The following TMEM181 variants were observed in gnomAD, a reference collection of about 807,000 sequenced individuals.
The protein encoded by TMEM181 is transmembrane protein 181.
A neutral mutation model predicts 71.9 loss-of-function variants in TMEM181; 39 were observed. That is an observed-to-expected ratio of 0.54 (90% CI 0.42 to 0.71). The LOEUF (loss-of-function observed/expected upper bound fraction) is 0.71, where lower values mean the gene tolerates loss of function less well. Ranked by LOEUF, TMEM181 falls within the 30% of genes least tolerant of loss-of-function variation. TMEM181 has a pLI of 0.00. For missense variants in TMEM181, 595 were observed against 583.0 expected, an observed-to-expected ratio of 1.02 and a Z score of -0.21; for synonymous variants, 245 against 228.8, an observed-to-expected ratio of 1.07 and a Z score of -0.64.
intron 10 of TMEM181, among the ~76,000 whole-genome samples, chr6:158,618,973 G>T (rs577733816): frequency 1.3e-5 from 2 of 152,246 alleles, no homozygotes; most frequent in African/African-American, 4.8e-5. Flanking sequence ...GTGTCTTGGG[G>T]TTGCTCTTCT....
intron 10 of TMEM181, among the ~76,000 whole-genome samples, chr6:158,612,252 A>G (rs1236549318): frequency 6.6e-6 from 1 of 152,186 alleles, no homozygotes; most frequent in African/African-American, 2.4e-5. Flanking sequence ...AGGGAGCTGG[A>G]ACTGAAAATG....
At chr6:158,617,480 A>G (rs1308157202) in intron 10 of TMEM181, among the ~76,000 whole-genome samples, 2 of 151,852 alleles carry the variant, frequency 1.3e-5, no homozygotes, top group African/African-American at 4.8e-5. Flanking sequence ...TATCTCCTTC[A>G]GTTCTGCTCT....
chr6:158,561,813 G>C (rs1360087298), intron 1 of TMEM181, among the ~76,000 whole-genome samples: 1 of 152,138 alleles, frequency 6.6e-6, no homozygotes, highest in Non-Finnish European at 1.5e-5. Flanking sequence ...AGGGAAGACG[G>C]AGGGGGATGA....
intron 10 of TMEM181, 91 bp from the exon 11 acceptor site, chr6:158,623,455 ATAAG>A: frequency 1.2e-6 from 1 of 809,042 alleles, no homozygotes; most frequent in South Asian, 2.1e-5. Context: ...GTTTATATTA[ATAAG>A]TAAAAAAAAC....
chr6:158,633,703 C>T lies in TMEM181; in HGVS notation c.*1815C>T, dbSNP rs554086042. On this transcript the variant is annotated 3_prime_UTR_variant, in exon 17 of 17. Transcript: ENST00000684151. ...TGATAATGTACTTTTAATATGGATT[C>T]TATTCACATTTGTTTTAAAAACCTT... 9 of 152,224 alleles carry T rather than the reference C, an allele frequency of 5.9e-5. No individual in the cohort carries two copies. The highest frequency in any genetic ancestry group is 2.1e-4 in the South Asian group (1 of 4,830). 9.4% of individuals were successfully genotyped at this position (152,224 alleles called of 1,614,324 possible).
At chr6:158,561,141 G>A (rs903975137) in intron 1 of TMEM181, among the ~76,000 whole-genome samples, 2 of 152,212 alleles carry the variant, frequency 1.3e-5, no homozygotes, top group Non-Finnish European at 1.5e-5. Flanking sequence ...TGAGGCAGAA[G>A]GGTTTTGCTT....
At chr6:158,560,043 G>C, upstream of TMEM181, 1 of 985,156 alleles carries the variant, frequency 1.0e-6, no homozygotes, top group Non-Finnish European at 1.2e-6. Context: ...GCCCTCTTCC[G>C]CCGTGAGAGT....
At chr6:158,596,795 G>A (rs1784409128) in intron 6 of TMEM181, among the ~76,000 whole-genome samples, 2 of 152,128 alleles carry the variant, frequency 1.3e-5, no homozygotes, top group Non-Finnish European at 1.5e-5. Flanking sequence ...AAGCAAAAGT[G>A]GAAACCCTGA....
At chr6:158,549,186 C>T (rs1224414008) in intron 1 of TMEM181, among the ~76,000 whole-genome samples, 11 of 145,978 alleles carry the variant, frequency 7.5e-5, no homozygotes, top group African/African-American at 2.0e-4. Context: ...GGCGCGATCA[C>T]GGCTCACTGC....
intron 10 of TMEM181, chr6:158,610,283 G>GA: frequency 3.5e-6 from 1 of 285,974 alleles, no homozygotes; most frequent in Admixed American, 3.9e-5. Flanking sequence ...TAGTAACATG[G>GA]AAAATGAGGG....
rs1326837422 is a variant in TMEM181, at chr6:158,610,796, G to A, written c.896+2046G>A. On this transcript the variant is annotated intron_variant, in intron 10 of 16. Coordinates refer to ENST00000684151, the MANE Select transcript of TMEM181 (RefSeq NM_001376852.1). ...TCATTGCTGCTGCTGCTCACAGACAGGTAGCCGGCAGGCTTGGGGCTGCTG... is the reference window on the plus strand; with the variant it reads ...TCATTGCTGCTGCTGCTCACAGACAAGTAGCCGGCAGGCTTGGGGCTGCTG... 7 of 314,124 alleles carry A rather than the reference G, an allele frequency of 2.2e-5. No individual in the cohort carries two copies. The Admixed American group carries it at 2.8e-4, about 12-fold the overall frequency. The allele number at this position is 314,124 out of a possible 1,614,324, so 19.5% of individuals were successfully genotyped here. A position where few individuals can be genotyped will look rare whatever the true frequency, so the allele number is the denominator to read the frequency against.
Position 158,634,684 on chromosome 6 carries a change from T to A in TMEM181, c.*2796T>A, listed in dbSNP as rs1199583523. ...TAGAGAAGGGGATATATATACTATG[T>A]TCAAGGTTTGTAAGGTTGTTAATGT... is the stretch of plus-strand genomic sequence containing the variant. On this transcript the variant is annotated 3_prime_UTR_variant, in exon 17 of 17. Coordinates refer to ENST00000684151, the MANE Select transcript of TMEM181 (RefSeq NM_001376852.1). 1.3e-5 allele frequency: 2 copies of A among 152,336 alleles called. No homozygotes were observed. Among genetic ancestry groups the A allele is most frequent in the African/African-American group, 4.8e-5 (2 of 41,584 alleles). 9.4% of individuals were successfully genotyped at this position (152,336 alleles called of 1,614,324 possible). A position where few individuals can be genotyped will look rare whatever the true frequency, so the allele number is the denominator to read the frequency against.
At chr6:158,613,584 C>T (rs897244561) in intron 10 of TMEM181, among the ~76,000 whole-genome samples, 3 of 152,186 alleles carry the variant, frequency 2.0e-5, no homozygotes, top group African/African-American at 7.2e-5. Context: ...TGTACAGGGA[C>T]TGTGTACACA....
intron 6 of TMEM181, among the ~76,000 whole-genome samples, chr6:158,595,479 C>T (rs746652156): frequency 1.5e-4 from 23 of 152,178 alleles, no homozygotes; most frequent in Non-Finnish European, 3.2e-4. Flanking sequence ...GACCAAAAGA[C>T]TTGTATTTAG....
chr6:158,540,419 G>A (rs1781298777), intron 1 of TMEM181, among the ~76,000 whole-genome samples: 1 of 152,230 alleles, frequency 6.6e-6, no homozygotes, highest in South Asian at 2.1e-4. Context: ...GTACTAAAAA[G>A]TGTTCCTAAC....
chr6:158,584,763 A>G (rs1783671779), intron 4 of TMEM181, among the ~76,000 whole-genome samples: 1 of 152,238 alleles, frequency 6.6e-6, no homozygotes, highest in Admixed American at 6.5e-5. Context: ...CCTCTTTGTA[A>G]CATTTTAGAA....
chr6:158,596,046 C>T (rs1212232468), intron 6 of TMEM181, among the ~76,000 whole-genome samples: 3 of 152,052 alleles, frequency 2.0e-5, no homozygotes, highest in Admixed American at 6.5e-5. Flanking sequence ...CTCAGCCTCC[C>T]GAGTAGCTGG....
At chr6:158,621,851 T>TA (rs1169242549) in intron 10 of TMEM181, among the ~76,000 whole-genome samples, 1 of 152,246 alleles carries the variant, frequency 6.6e-6, no homozygotes, top group Non-Finnish European at 1.5e-5. Flanking sequence ...GCACTTTGAT[T>TA]ACTTTGCAAT....
chr6:158,554,463 A>G (rs1160893887), intron 1 of TMEM181, among the ~76,000 whole-genome samples: 5 of 150,708 alleles, frequency 3.3e-5, no homozygotes, highest in Non-Finnish European at 7.4e-5. Context: ...CAGGTGATCC[A>G]CCTGCCTCAG....
Sources: gnomAD v4.1 joint callset for allele counts (sites outside exome capture counted in the v4.1 genomes callset) on GRCh38, gnomAD v4.1.1 for gene constraint, MANE v1.5 for transcripts, NCBI Gene and HGNC (gene_info 2026-07-23, HGNC 2026-07-21) for gene names.